The following CPQ variants were observed in gnomAD, a reference collection of about 807,000 sequenced individuals.
The protein encoded by CPQ is Ser-Met dipeptidase.
In CPQ, 37 loss-of-function variants were observed where a neutral mutation model predicts 45.7. The ratio of observed to expected loss-of-function variants is 0.81; its 90% CI spans 0.62 to 1.07. The LOEUF (loss-of-function observed/expected upper bound fraction) is 1.07, where lower values mean the gene tolerates loss of function less well. Among genes scored for constraint, CPQ ranks in the 50% least tolerant of loss-of-function variants. The probability of loss-of-function intolerance (pLI) is 0.00; values close to 1 mark genes in which losing one functional copy is unlikely to be tolerated. For missense variants in CPQ, 537 were observed against 572.9 expected (o/e 0.94, Z 0.64); for synonymous variants, 186 against 205.8 (o/e 0.90, Z 0.82).
intron 1 of CPQ, among the ~76,000 whole-genome samples, chr8:96,738,322 T>A (rs920959691): frequency 6.6e-6 from 1 of 152,174 alleles, no homozygotes; most frequent in South Asian, 2.1e-4. Flanking sequence ...CTTCCATTTA[T>A]GTGGATTTGT....
chr8:97,018,853 T>A (rs931773609), intron 5 of CPQ, among the ~76,000 whole-genome samples: 2 of 152,142 alleles, frequency 1.3e-5, no homozygotes, highest in African/African-American at 4.8e-5. Context: ...GGTAAAGAAC[T>A]AGTCATCCAA....
intron 7 of CPQ, among the ~76,000 whole-genome samples, chr8:97,081,681 G>A (rs2130552307): frequency 6.6e-6 from 1 of 152,300 alleles, no homozygotes; most frequent in East Asian, 1.9e-4. Context: ...AAACTTGGAA[G>A]CCCTAGCGAT....
At position 96,880,518 on chromosome 8, in the gene CPQ, CATATATATATATATATATATATAT is replaced by C. The variant is rs200512558; in HGVS notation, c.849+549_849+572del. 8.2e-3 allele frequency among the ~76,000 whole-genome samples: 794 copies of C among 97,306 alleles called. 17 individuals carry two copies. Among genetic ancestry groups the C allele is most frequent in the South Asian group, 0.03 (98 of 3,222 alleles). 63.8% of individuals were successfully genotyped at this position (97,306 alleles called of 152,430 possible). A position where few individuals can be genotyped will look rare whatever the true frequency, so the allele number is the denominator to read the frequency against. On this transcript the variant is annotated intron_variant, in intron 4 of 7. Coordinates refer to ENST00000220763, the MANE Select transcript of CPQ (RefSeq NM_016134.4). ...GCTGGCTAAAAAACAAATATATGGT[CATATATATATATATATATATATAT>C]ATATATATATATATATATATATATA...
At chr8:96,915,969 C>T (rs1278875120) in intron 4 of CPQ, among the ~76,000 whole-genome samples, 1 of 152,146 alleles carries the variant, frequency 6.6e-6, no homozygotes, top group Non-Finnish European at 1.5e-5. Flanking sequence ...TCCAGATTAT[C>T]TCTGCCCTGA....
intron 1 of CPQ, among the ~76,000 whole-genome samples, chr8:96,737,248 C>CA (rs1809995239): frequency 7.1e-6 from 1 of 140,480 alleles, no homozygotes; most frequent in Non-Finnish European, 1.5e-5. Context: ...CACACACACA[C>CA]ACACACAAAA....
chr8:96,696,633 A>G (rs1330970232), intron 1 of CPQ, among the ~76,000 whole-genome samples: 2 of 151,664 alleles, frequency 1.3e-5, no homozygotes, highest in African/African-American at 2.4e-5. Context: ...TAGTCAGGCT[A>G]AGAAAAAAAG....
chr8:97,130,888 A>G (rs1270524122), intron 7 of CPQ, among the ~76,000 whole-genome samples: 1 of 145,312 alleles, frequency 6.9e-6, no homozygotes, highest in African/African-American at 2.6e-5. Context: ...TATATTTTAG[A>G]AGGTTTTGTG....
intron 4 of CPQ, among the ~76,000 whole-genome samples, chr8:96,909,392 A>T (rs1443993050): frequency 6.6e-6 from 1 of 152,166 alleles, no homozygotes; most frequent in Non-Finnish European, 1.5e-5. Flanking sequence ...CTTTCTACTT[A>T]ACACAAGGCA....
At chr8:96,690,331 G>T (rs1223457524) in intron 1 of CPQ, among the ~76,000 whole-genome samples, 1 of 152,054 alleles carries the variant, frequency 6.6e-6, no homozygotes, top group African/African-American at 2.4e-5. Context: ...TGTGAGAGGG[G>T]CACCCCATTG....
chr8:96,909,943 T>C (rs545222546), intron 4 of CPQ, among the ~76,000 whole-genome samples: 2 of 152,320 alleles, frequency 1.3e-5, no homozygotes, highest in African/African-American at 4.8e-5. Flanking sequence ...GTGACTGCCC[T>C]TTCCTTTGTG....
chr8:96,928,379 G>T (rs114320233), intron 4 of CPQ, among the ~76,000 whole-genome samples: 221 of 150,406 alleles, frequency 1.5e-3, no homozygotes, highest in African/African-American at 5.1e-3. Flanking sequence ...TCTAGTATCT[G>T]CCTTCTCTGA....
rs777181116 is a variant in CPQ at position 96,835,132 on chromosome 8, G to C, written c.593G>C (p.Gly198Ala). 7 of 1,571,974 alleles carry C rather than the reference G, an allele frequency of 4.5e-6. No individual in the cohort carries two copies. In the Middle Eastern group the frequency reaches 6.8e-4, roughly 153 times the overall value. The change falls in exon 3 of 8, where the codon GGG becomes GCG. Residue 198 changes from glycine to alanine, a missense_variant. Transcript: ENST00000220763. ...GGGGCGGTGGAAGCTGCCAAGGTGG[G>C]GGCTTTGGCATCTCTCATTCGATCC... Reference protein sequence around the residue: ...TQGAVEAAKVGALASLIRSVA... With the variant: ...TQGAVEAAKVAALASLIRSVA...
intron 5 of CPQ, among the ~76,000 whole-genome samples, chr8:96,987,192 T>C (rs73696604): frequency 0.089 from 13,598 of 152,134 alleles, 1,258 homozygotes; most frequent in African/African-American, 0.24. Flanking sequence ...ATGTTATGTA[T>C]ACTTCCATTG....
chr8:96,786,630 T>C (rs1810772070), intron 2 of CPQ, among the ~76,000 whole-genome samples: 1 of 152,160 alleles, frequency 6.6e-6, no homozygotes, highest in Non-Finnish European at 1.5e-5. Context: ...GCTGCACAGT[T>C]TTATGTACCC....
intron 1 of CPQ, among the ~76,000 whole-genome samples, chr8:96,691,912 T>G (rs957082771): frequency 5.3e-5 from 8 of 152,186 alleles, no homozygotes; most frequent in Non-Finnish European, 1.0e-4. Flanking sequence ...CAAAACCATA[T>G]AAATAACAGT....
intron 4 of CPQ, among the ~76,000 whole-genome samples, chr8:96,933,060 A>G (rs1230231057): frequency 6.6e-6 from 1 of 152,232 alleles, no homozygotes; most frequent in Non-Finnish European, 1.5e-5. Context: ...TTCAGATGGT[A>G]GAATCCTTGC....
chr8:96,657,373 C>A (rs1459376467), intron 1 of CPQ, among the ~76,000 whole-genome samples: 1 of 152,100 alleles, frequency 6.6e-6, no homozygotes, highest in Non-Finnish European at 1.5e-5. Context: ...TGTGTGTCAC[C>A]ATGCTGATCT....
intron 4 of CPQ, among the ~76,000 whole-genome samples, chr8:96,924,623 T>C (rs144155304): frequency 6.0e-4 from 92 of 152,304 alleles, no homozygotes; most frequent in Non-Finnish European, 9.7e-4. Flanking sequence ...TCCCTAATTA[T>C]GGTGTTTTCG....
At chr8:96,750,146 T>C (rs1036758400) in intron 1 of CPQ, among the ~76,000 whole-genome samples, 1 of 151,734 alleles carries the variant, frequency 6.6e-6, no homozygotes, top group East Asian at 1.9e-4. Context: ...ATATATTTTA[T>C]ATATACACAC....
Sources: gnomAD v4.1 joint callset for allele counts (sites outside exome capture counted in the v4.1 genomes callset) on GRCh38, gnomAD v4.1.1 for gene constraint, MANE v1.5 for transcripts, NCBI Gene and HGNC (gene_info 2026-07-23, HGNC 2026-07-21) for gene names.